Variants in ZNF280D observed in about 807,000 individuals in gnomAD.
ZNF280D encodes suppressor of hairy wing homolog 4.
ZNF280D carries 39 observed loss-of-function variants against 94.7 expected under a neutral mutation model. That is an observed-to-expected ratio of 0.41 (90% CI 0.32 to 0.54). The LOEUF (loss-of-function observed/expected upper bound fraction) is 0.54, where lower values mean the gene tolerates loss of function less well. Among genes scored for constraint, ZNF280D ranks in the 20% least tolerant of loss-of-function variants. The pLI, the probability that ZNF280D is intolerant of heterozygous loss-of-function variation, is 0.22. For synonymous variants in ZNF280D, 398 were observed against 377.6 expected, an observed-to-expected ratio of 1.05 and a Z score of -0.63; for missense variants, 1,090 against 1,149.3, an observed-to-expected ratio of 0.95 and a Z score of 0.75.
At chr15:56,671,250 T>A (rs369697073) in intron 13 of ZNF280D, among the ~76,000 whole-genome samples, 1 of 151,836 alleles carries the variant, frequency 6.6e-6, no homozygotes, top group Non-Finnish European at 1.5e-5. Context: ...TGCCTTTGCC[T>A]ATGCCTATGT....
chr15:56,706,120 T>C (rs2057386500), intron 3 of ZNF280D, among the ~76,000 whole-genome samples: 1 of 129,804 alleles, frequency 7.7e-6, no homozygotes, highest in Non-Finnish European at 1.6e-5. Flanking sequence ...CTGGTGTCCT[T>C]AATAGAAGAG....
At chr15:56,708,091 T>C (rs188959196) in intron 1 of ZNF280D, among the ~76,000 whole-genome samples, 1 of 152,200 alleles carries the variant, frequency 6.6e-6, no homozygotes, top group East Asian at 1.9e-4. Flanking sequence ...AATTAAACAA[T>C]GGAAATCTAA....
chr15:56,642,268 G>T (rs1052378700), intron 20 of ZNF280D, among the ~76,000 whole-genome samples: 1 of 151,734 alleles, frequency 6.6e-6, no homozygotes, highest in Non-Finnish European at 1.5e-5. Context: ...AAGCTGCTTG[G>T]AAGAAGGCTG....
At chr15:56,719,200 C>T (rs2058207153) in intron 1 of ZNF280D, among the ~76,000 whole-genome samples, 1 of 152,022 alleles carries the variant, frequency 6.6e-6, no homozygotes, top group Admixed American at 6.6e-5. Context: ...AAATTTGATC[C>T]CCAATGTTGC....
intron 6 of ZNF280D, chr15:56,697,676 T>C (rs1312666790): frequency 6.6e-6 from 1 of 152,210 alleles, no homozygotes; most frequent in Non-Finnish European, 1.5e-5. Flanking sequence ...CACTTAAAAA[T>C]TGTTGAACCC....
chr15:56,726,280 G>A (rs1381810565), intron 1 of ZNF280D, among the ~76,000 whole-genome samples: 7 of 151,894 alleles, frequency 4.6e-5, no homozygotes, highest in African/African-American at 1.4e-4. Flanking sequence ...GAGAGGGGTG[G>A]AACTCTAACT....
In ZNF280D at chr15:56,723,891, G is replaced by A. The variant is rs555578090; in HGVS notation, c.-86+9567C>T. Reference sequence around the variant, plus strand: ...ATGCATTCAATACACCTAACCTACCGAACATCACAGCTTAGTCTAACTTAC... The same window carrying A: ...ATGCATTCAATACACCTAACCTACCAAACATCACAGCTTAGTCTAACTTAC... On this transcript the variant is annotated intron_variant, in intron 1 of 21. Coordinates refer to ENST00000267807, the MANE Select transcript of ZNF280D (RefSeq NM_017661.4). Among the ~76,000 whole-genome samples the A allele has an allele frequency of 9.5e-4, 145 of 152,162 alleles. 1 individual carries two copies. Among genetic ancestry groups the A allele is most frequent in the Admixed American group, 7.5e-3 (114 of 15,284 alleles).
At chr15:56,724,905 C>T (rs763541960) in intron 1 of ZNF280D, 2 of 454,820 alleles carry the variant, frequency 4.4e-6, no homozygotes, top group Admixed American at 2.4e-5. Context: ...TGTAAGAAAG[C>T]TATTTCCATG....
Position 56,654,500 on chromosome 15 carries a change from G to A in ZNF280D, c.2061C>T (p.Gly687=), listed in dbSNP as rs2053410545. ...CACAATTAAGGCACACTAGAGTAATGCCCCTAAAAAAAAAAGCATTAAAAA... is the reference window on the plus strand; with the variant it reads ...CACAATTAAGGCACACTAGAGTAATACCCCTAAAAAAAAAAGCATTAAAAA... ...IFKKHSENLR[G]ITLVCLNCDF... is the part of the protein sequence containing the mutation. Residue 687 remains glycine, a synonymous_variant, in exon 18 of 22, where the codon GGC becomes GGT. Transcript: ENST00000267807. The A allele has an allele frequency of 1.3e-6, 2 of 1,565,228 alleles. No homozygotes were observed. Among genetic ancestry groups the A allele is most frequent in the African/African-American group, 1.4e-5 (1 of 71,678 alleles).
At chr15:56,660,283 A>G (rs1481366468) in intron 16 of ZNF280D, among the ~76,000 whole-genome samples, 1 of 152,220 alleles carries the variant, frequency 6.6e-6, no homozygotes, top group African/African-American at 2.4e-5. Flanking sequence ...TCTTCAAACA[A>G]GCAGGCTATT....
intron 19 of ZNF280D, among the ~76,000 whole-genome samples, chr15:56,646,927 T>C (rs1331040106): frequency 6.6e-6 from 1 of 151,872 alleles, no homozygotes; most frequent in Non-Finnish European, 1.5e-5. Flanking sequence ...ACAGAGAAAG[T>C]ATGAAAAAGC....
At chr15:56,644,441 C>T (rs1233991823) in intron 19 of ZNF280D, among the ~76,000 whole-genome samples, 4 of 151,874 alleles carry the variant, frequency 2.6e-5, no homozygotes, top group African/African-American at 9.7e-5. Context: ...AAGCAAAAAG[C>T]ATGAAAAAGC....
chr15:56,733,411 C>T (rs1312901257), intron 1 of ZNF280D, 47 bp downstream of exon 1: 5 of 1,009,724 alleles, frequency 5.0e-6, no homozygotes, highest in Non-Finnish European at 6.0e-6. Flanking sequence ...GCGGGAGGGC[C>T]TCTGCCTGCT....
chr15:56,725,530 C>G (rs922462374), intron 1 of ZNF280D, among the ~76,000 whole-genome samples: 31 of 152,116 alleles, frequency 2.0e-4, no homozygotes, highest in Non-Finnish European at 7.4e-5. Context: ...CAGCTGGATT[C>G]TCTTACGACC....
At position 56,630,960 on chromosome 15, in the gene ZNF280D, T is replaced by C. The variant is rs2052048266; in HGVS notation, c.*538A>G. 1 of 153,016 alleles carries C rather than the reference T, an allele frequency of 6.5e-6. No individual in the cohort carries two copies. Among genetic ancestry groups the C allele is most frequent in the African/African-American group, 2.4e-5 (1 of 41,460 alleles). The allele number at this position is 153,016 out of a possible 1,614,324, so 9.5% of individuals were successfully genotyped here. A position where few individuals can be genotyped will look rare whatever the true frequency, so the allele number is the denominator to read the frequency against. Reference sequence around the variant, plus strand: ...AAGTTTATGTTCATCCAAATTCTCATTAGATCAATTTAGTACTCTAAGCAT... The same window carrying C: ...AAGTTTATGTTCATCCAAATTCTCACTAGATCAATTTAGTACTCTAAGCAT... On this transcript the variant is annotated 3_prime_UTR_variant, in exon 22 of 22. Transcript: ENST00000267807.
At chr15:56,714,790 C>T (rs1369638091) in intron 1 of ZNF280D, among the ~76,000 whole-genome samples, 1 of 152,100 alleles carries the variant, frequency 6.6e-6, no homozygotes, top group African/African-American at 2.4e-5. Flanking sequence ...AGTTAGTGAG[C>T]TCAGTCAAGA....
intron 13 of ZNF280D, among the ~76,000 whole-genome samples, chr15:56,673,801 A>G (rs888200837): frequency 3.3e-5 from 5 of 151,942 alleles, no homozygotes; most frequent in Non-Finnish European, 2.9e-5. Flanking sequence ...CTGCCTATAT[A>G]ATGTCACCTC....
Position 56,676,738 on chromosome 15 carries a change from G to A in ZNF280D, c.1342C>T (p.Leu448=), listed in dbSNP as rs2055257876. The change falls in exon 13 of 22, where the codon CTA becomes TTA. Residue 448 remains leucine (L), a synonymous_variant. Coordinates refer to ENST00000267807, the MANE Select transcript of ZNF280D (RefSeq NM_017661.4). Reference sequence around the variant, plus strand: ...ATAACTTTGAGGCAAAACGGGCATAGCAAGTTCTTAGTGTTTTCATGGGAT... The same window carrying A: ...ATAACTTTGAGGCAAAACGGGCATAACAAGTTCTTAGTGTTTTCATGGGAT... ...RTSHENTKNL[L]CPFCLKVIKI... 1 of 1,612,152 alleles carries A rather than the reference G, an allele frequency of 6.2e-7. No homozygotes were observed. Among genetic ancestry groups the A allele is most frequent in the East Asian group, 2.2e-5 (1 of 44,786 alleles).
In ZNF280D at chr15:56,707,091, G is replaced by C; in HGVS notation, c.19C>G (p.Gln7Glu). Residue 7 changes from glutamine to glutamate, a missense_variant, in exon 3 of 22, where the codon CAA becomes GAA. Gln to Glu is a conservative substitution (Grantham distance 29). Coordinates refer to ENST00000267807, the MANE Select transcript of ZNF280D (RefSeq NM_017661.4). ...TGGCAGCAACACTTACTTTTTGGTTGAAAAGGGTTGTCGCCCATCAAGCTG... is the reference window on the plus strand; with the variant it reads ...TGGCAGCAACACTTACTTTTTGGTTCAAAAGGGTTGTCGCCCATCAAGCTG... MGDNPF[Q>E]PKSNSKMAEL... is the part of the protein sequence containing the mutation. 1.9e-6 allele frequency: 3 copies of C among 1,613,906 alleles called. No homozygotes were observed. The highest frequency in any genetic ancestry group is 2.5e-6 in the Non-Finnish European group (3 of 1,179,896).
Sources: allele counts gnomAD v4.1 joint callset (sites outside exome capture counted in the v4.1 genomes callset), GRCh38; gene constraint gnomAD v4.1.1; transcripts MANE v1.5; gene names NCBI Gene and HGNC (gene_info 2026-07-23, HGNC 2026-07-21).